TPCN1: variants seen among roughly 807,000 people sequenced by gnomAD.
The protein encoded by TPCN1 is two pore channel protein 1.
A neutral mutation model predicts 108.8 loss-of-function variants in TPCN1; 52 were observed. The ratio of observed to expected loss-of-function variants is 0.48; its 90% CI spans 0.38 to 0.60. The LOEUF (loss-of-function observed/expected upper bound fraction) is 0.60, where lower values mean the gene tolerates loss of function less well. Ranked by LOEUF, TPCN1 falls within the 20% of genes least tolerant of loss-of-function variation. TPCN1 has a pLI of 0.00. For synonymous variants in TPCN1, 446 were observed against 433.7 expected (o/e 1.03, Z -0.35); for missense variants, 806 against 1,072.8 (o/e 0.75, Z 3.47).
chr12:113,229,652 C>T (rs2136438283), intron 2 of TPCN1, among the ~76,000 whole-genome samples: 1 of 152,322 alleles, frequency 6.6e-6, no homozygotes, highest in Non-Finnish European at 1.5e-5. Context: ...CTACACCCAG[C>T]TAATTTTTTT....
Position 113,287,815 on chromosome 12 carries a change from C to T in TPCN1, c.1635-348C>T, listed in dbSNP as rs577252108. On this transcript the variant is annotated intron_variant, in intron 19 of 27. Transcript: ENST00000335509. ...CTTCACTGGTGAGCTCCATTGCCCC[C>T]GCTCCCCGGGGCACATGGGCTTCTC... 5.9e-5 allele frequency among the ~76,000 whole-genome samples: 9 copies of T among 152,334 alleles called. No individual in the cohort carries two copies. The South Asian group carries it at 1.0e-3, about 18-fold the overall frequency.
intron 2 of TPCN1, among the ~76,000 whole-genome samples, chr12:113,241,761 CGTGTGTGTGTGTGTGTGT>C (rs67580212): frequency 4.8e-5 from 7 of 144,476 alleles, no homozygotes; most frequent in African/African-American, 1.8e-4. Flanking sequence ...CGTGCCTCTG[CGTGTGTGTGTGTGTGTGT>C]GTGTGTGTGT....
Position 113,284,160 on chromosome 12 carries a change from T to C in TPCN1, c.1343-421T>C, listed in dbSNP as rs1425814888. 6.6e-6 allele frequency among the ~76,000 whole-genome samples: 1 copy of C among 152,204 alleles called. No homozygotes were observed. The highest frequency in any genetic ancestry group is 2.4e-5 in the African/African-American group (1 of 41,446). The stretch of plus-strand genomic sequence containing the variant: ...TGTCATTGGGATGGTTTCTGGAAAG[T>C]GGGATTGCTAGGCGAATGGCTTAAT... On this transcript the variant is annotated intron_variant, in intron 15 of 27. Coordinates refer to ENST00000335509, the MANE Select transcript of TPCN1 (RefSeq NM_017901.6). The surrounding 1 kb of genome is among the most constrained non-coding windows in gnomAD (Gnocchi z 4.1).
chr12:113,234,963 G>A (rs958176988), intron 2 of TPCN1, among the ~76,000 whole-genome samples: 52 of 152,148 alleles, frequency 3.4e-4, no homozygotes, highest in Admixed American at 3.2e-3. Context: ...TCTCTCTGAC[G>A]TAGAACATAC....
At position 113,273,472 on chromosome 12, in the gene TPCN1, G is replaced by C; in HGVS notation, c.843-97G>C. ...AGTAGGGGAACCAGGGTTGGAGGCT[G>C]GGAAGGCAGACAAGGAGCTGTCCTC... On this transcript the variant is annotated intron_variant, in intron 9 of 27. Coordinates refer to ENST00000335509, the MANE Select transcript of TPCN1 (RefSeq NM_017901.6). The surrounding 1 kb of genome is among the most constrained non-coding windows in gnomAD (Gnocchi z 4.0). The C allele has an allele frequency of 7.7e-7, 1 of 1,294,052 alleles. No individual in the cohort carries two copies. Among genetic ancestry groups the C allele is most frequent in the Non-Finnish European group, 1.1e-6 (1 of 890,010 alleles). The allele number at this position is 1,294,052 out of a possible 1,614,324, so 80.2% of individuals were successfully genotyped here.
intron 3 of TPCN1, among the ~76,000 whole-genome samples, chr12:113,265,312 A>G (rs971969576): frequency 2.0e-5 from 3 of 152,200 alleles, no homozygotes; most frequent in African/African-American, 7.2e-5. Flanking sequence ...TCCAGGAGGA[A>G]GCACTAATGT....
intron 22 of TPCN1, 38 bp downstream of exon 22, chr12:113,290,281 G>A: frequency 7.0e-7 from 1 of 1,424,212 alleles, no homozygotes; most frequent in Non-Finnish European, 9.7e-7. Context: ...ATTCCCTGGG[G>A]ACCCCACCCT....
intron 2 of TPCN1, among the ~76,000 whole-genome samples, chr12:113,227,595 CCTT>C (rs1953520547): frequency 1.3e-5 from 2 of 152,142 alleles, no homozygotes; most frequent in South Asian, 4.1e-4. Context: ...GCCTTGAAAA[CCTT>C]TCTGGTTCTC....
At chr12:113,229,224 G>C (rs1161146623) in intron 2 of TPCN1, among the ~76,000 whole-genome samples, 1 of 152,238 alleles carries the variant, frequency 6.6e-6, no homozygotes, top group Non-Finnish European at 1.5e-5. Context: ...CTGGGGTCCA[G>C]GGACATTGTT....
rs559526463 is a variant in TPCN1, at chr12:113,244,680, C to T, written c.113-15688C>T. ...GGGGCTCTCAGTGACAACTGGCAAG[C>T]GGCGGGGCGGTTGCTCGTTGTCATT... On this transcript the variant is annotated intron_variant, in intron 2 of 27. Transcript: ENST00000335509. 10 of 985,388 alleles carry T rather than the reference C, an allele frequency of 1.0e-5. No individual in the cohort carries two copies. In the South Asian group the frequency reaches 2.8e-4, roughly 28 times the overall value. The allele number at this position is 985,388 out of a possible 1,614,324, so 61.0% of individuals were successfully genotyped here.
In TPCN1 at chr12:113,296,105, G is replaced by A. The variant is rs766107126; in HGVS notation, c.*29G>A. ...AGCGCCCGAAAGCCGTCTCTTCTATGCAATAACACAATAGTATTACTCTAC... is the reference window on the plus strand; with the variant it reads ...AGCGCCCGAAAGCCGTCTCTTCTATACAATAACACAATAGTATTACTCTAC... On this transcript the variant is annotated 3_prime_UTR_variant, in exon 28 of 28. Transcript: ENST00000335509. 6.2e-7 allele frequency: 1 copy of A among 1,609,542 alleles called. No homozygotes were observed.
chr12:113,253,468 G>C (rs1268221622), intron 2 of TPCN1, among the ~76,000 whole-genome samples: 1 of 152,140 alleles, frequency 6.6e-6, no homozygotes, highest in South Asian at 2.1e-4. Flanking sequence ...GCTGTTGTAC[G>C]TAACATCTGT....
chr12:113,256,613 A>C (rs1385894212), intron 2 of TPCN1, among the ~76,000 whole-genome samples: 2 of 152,118 alleles, frequency 1.3e-5, no homozygotes, highest in Admixed American at 1.3e-4. Flanking sequence ...GGCTTGAACT[A>C]CTGGGCTAAG....
chr12:113,231,655 GA>G lies in TPCN1; in HGVS notation c.112+4694del, dbSNP rs1953691104. 6.6e-6 allele frequency among the ~76,000 whole-genome samples: 1 copy of G among 152,180 alleles called. No individual in the cohort carries two copies. The highest frequency in any genetic ancestry group is 1.5e-5 in the Non-Finnish European group (1 of 68,036). ...CTATGTGAGGGCCTTATCCCTGCAG[GA>G]AACTGGAGGGTTTGGGTTTTTCTCC... On this transcript the variant is annotated intron_variant, in intron 2 of 27. Coordinates refer to ENST00000335509, the MANE Select transcript of TPCN1 (RefSeq NM_017901.6). The surrounding 1 kb of genome is among the most constrained non-coding windows in gnomAD (Gnocchi z 4.3).
At chr12:113,291,840 C>T (rs1956280485) in intron 24 of TPCN1, 34 bp from the exon 25 acceptor site, 18 of 1,559,074 alleles carry the variant, frequency 1.2e-5, no homozygotes, top group Non-Finnish European at 1.4e-5. Flanking sequence ...CCCTCCTCCC[C>T]TGCCTCTGCC....
In TPCN1 at chr12:113,266,013, C is replaced by G. The variant is rs1955246105; in HGVS notation, c.238-167C>G. On this transcript the variant is annotated intron_variant, in intron 3 of 27. Transcript: ENST00000335509. The surrounding 1 kb of genome is among the most constrained non-coding windows in gnomAD (Gnocchi z 4.2). ...TCAGCAGGCAGGAGTGAGACCTGAC[C>G]ACCGTGAGTTTCGCGAAGATCATTT... 6.6e-6 allele frequency among the ~76,000 whole-genome samples: 1 copy of G among 152,008 alleles called. No individual in the cohort carries two copies. Among genetic ancestry groups the G allele is most frequent in the Non-Finnish European group, 1.5e-5 (1 of 68,008 alleles).
intron 7 of TPCN1, among the ~76,000 whole-genome samples, chr12:113,270,815 G>A (rs1397289005): frequency 2.0e-5 from 3 of 151,962 alleles, no homozygotes; most frequent in African/African-American, 7.3e-5. Context: ...AATCCCATTC[G>A]GGAGGACGTC....
chr12:113,236,318 C>T (rs1371489600), intron 2 of TPCN1, among the ~76,000 whole-genome samples: 2 of 152,316 alleles, frequency 1.3e-5, no homozygotes, highest in African/African-American at 4.8e-5. Context: ...CACCCCCCGG[C>T]ACCCCATGTT....
chr12:113,282,587 CAA>C (rs752501247), intron 15 of TPCN1, among the ~76,000 whole-genome samples: 1 of 135,232 alleles, frequency 7.4e-6, no homozygotes, highest in African/African-American at 2.7e-5. Context: ...CCTGTCTCTA[CAA>C]AAAAAAAAAT....
Sources: gnomAD v4.1 joint callset for allele counts (sites outside exome capture counted in the v4.1 genomes callset) on GRCh38, gnomAD v4.1.1 for gene constraint, Gnocchi (gnomAD v3.1) non-coding constraint, MANE v1.5 for transcripts, NCBI Gene and HGNC (gene_info 2026-07-23, HGNC 2026-07-21) for gene names.